The following SETD3 variants were observed in gnomAD, a reference collection of about 807,000 sequenced individuals.
SETD3 encodes actin-histidine N-methyltransferase.
Under a neutral mutation model 63.0 loss-of-function variants are expected in SETD3, and 19 were observed. The ratio of observed to expected loss-of-function variants is 0.30; its 90% CI spans 0.21 to 0.44. The LOEUF (loss-of-function observed/expected upper bound fraction) is 0.44, where lower values mean the gene tolerates loss of function less well. Among genes scored for constraint, SETD3 ranks in the 20% least tolerant of loss-of-function variants. SETD3 has a pLI of 1.00. For missense variants in SETD3, 587 were observed against 728.5 expected, an observed-to-expected ratio of 0.81 and a Z score of 2.24; for synonymous variants, 286 against 264.1, an observed-to-expected ratio of 1.08 and a Z score of -0.80.
intron 6 of SETD3, 45 bp from the exon 7 acceptor site, chr14:99,413,979 G>C: frequency 1.3e-6 from 2 of 1,540,428 alleles, no homozygotes; most frequent in East Asian, 4.5e-5. Context: ...AAGAGAAAAA[G>C]GGAAAACAGA....
At chr14:99,467,157 C>T (rs1895432676) in intron 1 of SETD3, among the ~76,000 whole-genome samples, 1 of 152,118 alleles carries the variant, frequency 6.6e-6, no homozygotes, top group African/African-American at 2.4e-5. Context: ...ATGTATCTAA[C>T]GTATAAAGAA....
intron 6 of SETD3, among the ~76,000 whole-genome samples, chr14:99,444,740 TG>T (rs775446553): frequency 6.6e-6 from 1 of 150,830 alleles, no homozygotes; most frequent in Non-Finnish European, 1.5e-5. Flanking sequence ...CACGCTGACG[TG>T]GGAAGATGGC....
chr14:99,478,987 C>A (rs998006283), intron 1 of SETD3, among the ~76,000 whole-genome samples: 3 of 152,198 alleles, frequency 2.0e-5, no homozygotes, highest in African/African-American at 7.2e-5. Flanking sequence ...GCAGCCATCA[C>A]TTTCTTACTG....
chr14:99,485,853 A>G (rs1190873099), upstream of SETD3, among the ~76,000 whole-genome samples: 1 of 152,212 alleles, frequency 6.6e-6, no homozygotes, highest in Non-Finnish European at 1.5e-5. Flanking sequence ...CTCTGTCTCA[A>G]AAAATTAAAA....
At chr14:99,475,898 T>C (rs1216155640) in intron 1 of SETD3, among the ~76,000 whole-genome samples, 1 of 152,200 alleles carries the variant, frequency 6.6e-6, no homozygotes, top group Non-Finnish European at 1.5e-5. Context: ...AACTAAAGCC[T>C]TTCGTGATCT....
chr14:99,439,208 C>G (rs1893653389), intron 6 of SETD3, among the ~76,000 whole-genome samples: 1 of 152,224 alleles, frequency 6.6e-6, no homozygotes, highest in Admixed American at 6.5e-5. Context: ...GGCTTCTCAG[C>G]TCCAGGGCTG....
At chr14:99,401,004 T>C (rs1160138467) in intron 11 of SETD3, among the ~76,000 whole-genome samples, 1 of 152,096 alleles carries the variant, frequency 6.6e-6, no homozygotes, top group Admixed American at 6.5e-5. Context: ...CCAGGTATGG[T>C]GGCACATGCC....
At position 99,405,380 on chromosome 14, in the gene SETD3, C is replaced by T. The variant is rs1331417690; in HGVS notation, c.925-9G>A. 2.5e-6 allele frequency: 4 copies of T among 1,606,292 alleles called. No homozygotes were observed. The Admixed American group carries it at 5.2e-5, about 21-fold the overall frequency. ...CCATAAAAAATGTAAATCTGAGATG[C>T]AGTAAAGAAAAAAGAAAAGGGCATT... is the stretch of plus-strand genomic sequence containing the variant. On this transcript the variant is annotated splice_polypyrimidine_tract_variant and intron_variant, in intron 9 of 12. Coordinates refer to ENST00000331768, the MANE Select transcript of SETD3 (RefSeq NM_032233.3).
At chr14:99,421,974 A>G (rs1420572914) in intron 6 of SETD3, among the ~76,000 whole-genome samples, 2 of 152,210 alleles carry the variant, frequency 1.3e-5, no homozygotes, top group Non-Finnish European at 2.9e-5. Context: ...CTCATTTAAA[A>G]TTCACCATAG....
intron 6 of SETD3, among the ~76,000 whole-genome samples, chr14:99,422,997 G>A (rs1892669476): frequency 6.6e-6 from 1 of 152,200 alleles, no homozygotes; most frequent in Non-Finnish European, 1.5e-5. Flanking sequence ...CTTGAGGGAA[G>A]CAGTTTCCAG....
At chr14:99,484,957 G>T (rs1896447820), upstream of SETD3, among the ~76,000 whole-genome samples, 2 of 152,144 alleles carry the variant, frequency 1.3e-5, no homozygotes, top group African/African-American at 4.8e-5. Flanking sequence ...TTTTCATTTT[G>T]CAGAGTTCAT....
chr14:99,463,172 G>T lies in SETD3; in HGVS notation c.196+314C>A, dbSNP rs369245520. On this transcript the variant is annotated intron_variant, in intron 3 of 12. Coordinates refer to ENST00000331768, the MANE Select transcript of SETD3 (RefSeq NM_032233.3). ...CGATATACACTATATGCACTGTCCT[G>T]AAACTCAAAAGGAAATAACGGTATA... Among the ~76,000 whole-genome samples the T allele has an allele frequency of 2.0e-5, 3 of 152,194 alleles. No homozygotes were observed. In the East Asian group the frequency reaches 5.8e-4, roughly 29 times the overall value.
At chr14:99,473,359 C>T (rs1469545862) in intron 1 of SETD3, among the ~76,000 whole-genome samples, 1 of 152,286 alleles carries the variant, frequency 6.6e-6, no homozygotes, top group African/African-American at 2.4e-5. Flanking sequence ...ATAGTTCACA[C>T]ATAATGAACT....
chr14:99,465,815 TAC>T lies in SETD3; in HGVS notation c.-8-4_-8-3del. ...GACTCTTCTTACCCATTTTTCTGAC[TAC>T]AGAGAAGAGAAAGAAAAGAGAAAAA... is the stretch of plus-strand genomic sequence containing the variant. On this transcript the variant is annotated splice_polypyrimidine_tract_variant and splice_region_variant and intron_variant, in intron 1 of 12. Transcript: ENST00000331768. 2 of 1,599,926 alleles carry T rather than the reference TAC, an allele frequency of 1.3e-6. No homozygotes were observed. The highest frequency in any genetic ancestry group is 1.7e-6 in the Non-Finnish European group (2 of 1,169,306).
intron 6 of SETD3, among the ~76,000 whole-genome samples, chr14:99,435,447 C>T (rs1029247800): frequency 1.3e-5 from 2 of 152,158 alleles, no homozygotes; most frequent in African/African-American, 4.8e-5. Context: ...AGCTTGTCAA[C>T]TAGGGATTCA....
intron 6 of SETD3, among the ~76,000 whole-genome samples, chr14:99,429,721 C>A (rs996929518): frequency 2.0e-5 from 3 of 152,132 alleles, no homozygotes; most frequent in Non-Finnish European, 4.4e-5. Flanking sequence ...CTAGTTAAAA[C>A]GTGAGGAAGA....
rs1303115278 is a variant in SETD3, at chr14:99,397,942, G to GCCAA, written c.*733_*736dup. 1 of 152,532 alleles carries GCCAA rather than the reference G, an allele frequency of 6.6e-6. No homozygotes were observed. The highest frequency in any genetic ancestry group is 1.5e-5 in the Non-Finnish European group (1 of 68,036). 9.4% of individuals were successfully genotyped at this position (152,532 alleles called of 1,614,324 possible). ...TCAAATGCACCACTTTAAAATCAGA[G>GCCAA]CCAACATTTAAAATTAGGAGGATGA... is the stretch of plus-strand genomic sequence containing the variant. On this transcript the variant is annotated 3_prime_UTR_variant, in exon 13 of 13. Transcript: ENST00000331768.
chr14:99,481,146 G>C (rs942332752), upstream of SETD3: 3 of 342,332 alleles, frequency 8.8e-6, no homozygotes, highest in Non-Finnish European at 1.6e-5. Flanking sequence ...CCGCCTACGC[G>C]CCCAAGTTCC....
intron 2 of SETD3, 101 bp from the exon 3 acceptor site, chr14:99,463,679 G>C: frequency 2.1e-6 from 2 of 935,716 alleles, no homozygotes; most frequent in East Asian, 2.6e-5. Flanking sequence ...TGCTGTTCTG[G>C]GGTTGGTTTA....
Sources: allele counts gnomAD v4.1 joint callset (sites outside exome capture counted in the v4.1 genomes callset), GRCh38; gene constraint gnomAD v4.1.1; transcripts MANE v1.5; gene names NCBI Gene and HGNC (gene_info 2026-07-23, HGNC 2026-07-21).